The following SLC13A1 variants were observed in gnomAD, a reference collection of about 807,000 sequenced individuals.
The protein encoded by SLC13A1 is Na(+)/sulfate cotransporter.
A neutral mutation model predicts 70.0 loss-of-function variants in SLC13A1; 65 were observed. The observed-to-expected ratio is 0.93, with a 90% confidence interval of 0.76 to 1.14. The LOEUF (loss-of-function observed/expected upper bound fraction) is 1.14. Among genes scored for constraint, SLC13A1 ranks in the 50% most tolerant of loss-of-function variants. SLC13A1 has a pLI of 0.00. For missense variants in SLC13A1, 726 were observed against 717.8 expected, an observed-to-expected ratio of 1.01 and a Z score of -0.13; for synonymous variants, 275 against 250.5, an observed-to-expected ratio of 1.10 and a Z score of -0.92.
chr7:123,139,523 T>A (rs528751228), intron 7 of SLC13A1, among the ~76,000 whole-genome samples: 1 of 152,154 alleles, frequency 6.6e-6, no homozygotes, highest in South Asian at 2.1e-4. Context: ...AACCTTTTAA[T>A]AATATTGATT....
At chr7:123,195,300 T>C (rs553308097) in intron 1 of SLC13A1, among the ~76,000 whole-genome samples, 1 of 152,206 alleles carries the variant, frequency 6.6e-6, no homozygotes, top group South Asian at 2.1e-4. Flanking sequence ...CTTTATAGCA[T>C]TTTCTTCTTT....
intron 3 of SLC13A1, among the ~76,000 whole-genome samples, chr7:123,169,923 T>G (rs957451227): frequency 6.6e-6 from 1 of 152,180 alleles, no homozygotes; most frequent in Non-Finnish European, 1.5e-5. Flanking sequence ...GTTTCTGAAT[T>G]TTCTGAATAT....
intron 6 of SLC13A1, among the ~76,000 whole-genome samples, chr7:123,153,326 A>G (rs150021683): frequency 6.6e-6 from 1 of 152,250 alleles, no homozygotes; most frequent in Non-Finnish European, 1.5e-5. Flanking sequence ...AGGCATTAAA[A>G]TTCAGGGTAA....
intron 7 of SLC13A1, among the ~76,000 whole-genome samples, chr7:123,144,012 A>G (rs553786214): frequency 2.0e-5 from 3 of 152,296 alleles, no homozygotes; most frequent in African/African-American, 7.2e-5. Flanking sequence ...AGAAGGCAAG[A>G]TATTTTAGAT....
intron 6 of SLC13A1, among the ~76,000 whole-genome samples, chr7:123,148,002 C>T (rs1794422571): frequency 6.6e-6 from 1 of 152,066 alleles, no homozygotes; most frequent in African/African-American, 2.4e-5. Context: ...GGATGGTTCC[C>T]AGGGGATATT....
rs559599238 is a variant in SLC13A1 at position 123,189,131 on chromosome 7, A to G, written c.100-8030T>C. On this transcript the variant is annotated intron_variant, in intron 1 of 14. Coordinates refer to ENST00000194130, the MANE Select transcript of SLC13A1 (RefSeq NM_022444.4). ...CTCCGTCTCAAAAAAAAAAAAAAAAAAGAAAGAAAATCTTTCTACATTATA... is the reference window on the plus strand; with the variant it reads ...CTCCGTCTCAAAAAAAAAAAAAAAAGAGAAAGAAAATCTTTCTACATTATA... Among the ~76,000 whole-genome samples the G allele has an allele frequency of 9.2e-3, 1,355 of 147,422 alleles. 67 individuals carry two copies. Among genetic ancestry groups the G allele is most frequent in the African/African-American group, 0.031 (1,260 of 40,712 alleles).
At chr7:123,116,986 G>T (rs1351675432) in intron 14 of SLC13A1, among the ~76,000 whole-genome samples, 1 of 152,126 alleles carries the variant, frequency 6.6e-6, no homozygotes, top group Admixed American at 6.6e-5. Flanking sequence ...TTTCACGTTA[G>T]GTCCTGGTAT....
At position 123,148,502 on chromosome 7, in the gene SLC13A1, C is replaced by T. The variant is rs529806011; in HGVS notation, c.661-1192G>A. 2.9e-3 allele frequency: 1,308 copies of T among 453,064 alleles called. 37 individuals carry two copies. Among genetic ancestry groups the T allele is most frequent in the South Asian group, 0.02 (1,287 of 63,802 alleles). The allele number at this position is 453,064 out of a possible 1,614,324, so 28.1% of individuals were successfully genotyped here. A position where few individuals can be genotyped will look rare whatever the true frequency, so the allele number is the denominator to read the frequency against. On this transcript the variant is annotated intron_variant, in intron 6 of 14. Transcript: ENST00000194130. ...AGAGATGACTTTCTAGGGTGTAAGC[C>T]AAAAGCAACTTCATTCTTTTTCTCA...
rs766450646 is a variant in SLC13A1, at chr7:123,169,164, G to A, written c.537C>T (p.His179=). ...QMTYFNGSTN[H]GLEIDESVNG... is the part of the protein sequence containing the mutation. ...ATGTGATACCATCAATTTCTAGTCCGTGGTTGGTTGATCCGTTGAAGTAAG... is the reference window on the plus strand; with the variant it reads ...ATGTGATACCATCAATTTCTAGTCCATGGTTGGTTGATCCGTTGAAGTAAG... The change falls in exon 4 of 15, where the codon CAC becomes CAT. Residue 179 remains histidine (H), a synonymous_variant. Coordinates refer to ENST00000194130, the MANE Select transcript of SLC13A1 (RefSeq NM_022444.4). 37 of 1,613,870 alleles carry A rather than the reference G, an allele frequency of 2.3e-5. No homozygotes were observed. The highest frequency in any genetic ancestry group is 7.7e-5 in the South Asian group (7 of 91,088).
chr7:123,174,354 T>C (rs1795378095), intron 2 of SLC13A1, among the ~76,000 whole-genome samples: 1 of 152,112 alleles, frequency 6.6e-6, no homozygotes, highest in Non-Finnish European at 1.5e-5. Flanking sequence ...TCTCATTTTC[T>C]CACTCCCCAT....
chr7:123,123,404 A>T (rs577800874), intron 11 of SLC13A1, among the ~76,000 whole-genome samples, 169 bp from the exon 12 acceptor site: 3 of 152,272 alleles, frequency 2.0e-5, no homozygotes, highest in South Asian at 4.1e-4. Context: ...ACTAGGTGGA[A>T]CATTCTACTA....
At chr7:123,125,491 G>C (rs995650737) in intron 11 of SLC13A1, 78 bp downstream of exon 11, 82 of 1,016,122 alleles carry the variant, frequency 8.1e-5, no homozygotes, top group Non-Finnish European at 1.0e-4. Context: ...TCTGCTCTAG[G>C]TGCCAAGCGA....
chr7:123,149,691 A>G (rs374368763), intron 6 of SLC13A1: 1 of 447,924 alleles, frequency 2.2e-6, no homozygotes, highest in African/African-American at 2.0e-5. Context: ...TAGAAAGAGT[A>G]TCATTTTACC....
chr7:123,178,904 A>G (rs1185178226), intron 2 of SLC13A1, among the ~76,000 whole-genome samples: 1 of 152,190 alleles, frequency 6.6e-6, no homozygotes, highest in East Asian at 1.9e-4. Context: ...AGAATGATCT[A>G]TTCACTTTTG....
chr7:123,171,680 TG>T, intron 3 of SLC13A1, 87 bp downstream of exon 3: 1 of 1,304,640 alleles, frequency 7.7e-7, no homozygotes, highest in Non-Finnish European at 1.1e-6. Context: ...AAGAATTTCC[TG>T]GGCGTGAATT....
intron 13 of SLC13A1, among the ~76,000 whole-genome samples, 174 bp downstream of exon 13, chr7:123,118,907 C>T (rs1793270421): frequency 6.6e-6 from 1 of 151,934 alleles, no homozygotes; most frequent in Non-Finnish European, 1.5e-5. Flanking sequence ...AAAACAGTTA[C>T]CTAGAGTGAA....
At chr7:123,125,526 G>C in intron 11 of SLC13A1, 43 bp downstream of exon 11, 1 of 1,387,924 alleles carries the variant, frequency 7.2e-7, no homozygotes, top group Non-Finnish European at 1.0e-6. Context: ...TGTAATTTTT[G>C]CTCTTCTGTT....
rs559054248 is a variant in SLC13A1, at chr7:123,168,736, C to T, written c.554-175G>A. ...TACAAATATCCTCCCAACACTTTTT[C>T]ACTGCATCAGAGCAGTTAGTCAGAG... On this transcript the variant is annotated intron_variant, in intron 4 of 14. Coordinates refer to ENST00000194130, the MANE Select transcript of SLC13A1 (RefSeq NM_022444.4). Among the ~76,000 whole-genome samples, 19 of 152,256 alleles carry T rather than the reference C, an allele frequency of 1.2e-4. No homozygotes were observed. In the South Asian group the frequency reaches 3.9e-3, roughly 32 times the overall value.
chr7:123,165,525 A>G (rs1368720959), intron 6 of SLC13A1, among the ~76,000 whole-genome samples: 3 of 152,060 alleles, frequency 2.0e-5, no homozygotes, highest in East Asian at 1.9e-4. Context: ...CTCGTCCCCA[A>G]TGTCTAATTA....
Sources: allele counts gnomAD v4.1 joint callset (sites outside exome capture counted in the v4.1 genomes callset), GRCh38; gene constraint gnomAD v4.1.1; transcripts MANE v1.5; gene names NCBI Gene and HGNC (gene_info 2026-07-23, HGNC 2026-07-21).